The following CALN1 variants were observed in gnomAD, a reference collection of about 807,000 sequenced individuals.
CALN1 encodes calneuron 1.
Under a neutral mutation model 30.6 loss-of-function variants are expected in CALN1, and 17 were observed. The ratio of observed to expected loss-of-function variants is 0.56; its 90% confidence interval spans 0.38 to 0.83. The LOEUF (loss-of-function observed/expected upper bound fraction) is 0.83, where lower values mean the gene tolerates loss of function less well. CALN1 is among the 40% of genes least tolerant of loss of function. CALN1 has a pLI of 0.00. For synonymous variants in CALN1, 156 were observed against 131.4 expected (o/e 1.19, Z -1.28); for missense variants, 291 against 354.9 (o/e 0.82, Z 1.45).
chr7:72,034,529 A>C (rs1344369616), intron 4 of CALN1, among the ~76,000 whole-genome samples: 1 of 151,440 alleles, frequency 6.6e-6, no homozygotes, highest in Non-Finnish European at 1.5e-5. Flanking sequence ...ACGGTGGCTC[A>C]CCCCTGTAAT....
chr7:72,008,715 G>C (rs1170821493), intron 5 of CALN1, among the ~76,000 whole-genome samples: 2 of 149,712 alleles, frequency 1.3e-5, no homozygotes, highest in Non-Finnish European at 2.9e-5. Context: ...GGGTGAGGCA[G>C]TGTGATTTCG....
intron 2 of CALN1, among the ~76,000 whole-genome samples, chr7:72,386,217 A>G (rs980116324): frequency 3.9e-5 from 6 of 152,198 alleles, no homozygotes; most frequent in African/African-American, 1.4e-4. Context: ...TGGCACAAAG[A>G]ATGAATCTTA....
intron 5 of CALN1, among the ~76,000 whole-genome samples, chr7:71,889,728 G>A (rs1370702334): frequency 2.6e-5 from 4 of 152,182 alleles, no homozygotes; most frequent in Non-Finnish European, 5.9e-5. Context: ...GCTGAGGTGG[G>A]CAGATCACCT....
intron 5 of CALN1, among the ~76,000 whole-genome samples, chr7:72,003,166 TG>T (rs1216610180): frequency 6.6e-6 from 1 of 152,192 alleles, no homozygotes; most frequent in Admixed American, 6.5e-5. Flanking sequence ...TTTGCCTATT[TG>T]AAAAATTAAT....
intron 5 of CALN1, among the ~76,000 whole-genome samples, chr7:71,930,394 T>G (rs1584536478): frequency 6.6e-6 from 1 of 152,094 alleles, no homozygotes; most frequent in Admixed American, 6.5e-5. Flanking sequence ...ATTTTTTAGA[T>G]CGTTTGTCCA....
chr7:72,426,822 A>G (rs1452191626), intron 1 of CALN1, among the ~76,000 whole-genome samples: 4 of 152,064 alleles, frequency 2.6e-5, no homozygotes, highest in Non-Finnish European at 4.4e-5. Context: ...GCTTGCATTG[A>G]CCACTCATGT....
At chr7:72,212,186 A>G (rs538763910) in intron 3 of CALN1, among the ~76,000 whole-genome samples, 5 of 152,126 alleles carry the variant, frequency 3.3e-5, no homozygotes, top group Non-Finnish European at 7.4e-5. Context: ...CATCGCTACT[A>G]AAAATACAAA....
At chr7:71,826,277 C>T (rs907253525) in intron 5 of CALN1, among the ~76,000 whole-genome samples, 1 of 152,006 alleles carries the variant, frequency 6.6e-6, no homozygotes, top group Admixed American at 6.6e-5. Context: ...CCAGAATGCA[C>T]TGGTGGCTTA....
chr7:72,261,615 A>G (rs2129552824), intron 3 of CALN1, among the ~76,000 whole-genome samples: 1 of 152,196 alleles, frequency 6.6e-6, no homozygotes, highest in African/African-American at 2.4e-5. Flanking sequence ...TTCTGTAGAG[A>G]TGGGATCTTC....
the CALN1 span, among the ~76,000 whole-genome samples, chr7:72,490,121 A>G: frequency 6.6e-6 from 1 of 152,376 alleles, no homozygotes; most frequent in Non-Finnish European, 1.5e-5. Context: ...CTCCTTGGCA[A>G]ATAGAGGAAG....
the CALN1 span, among the ~76,000 whole-genome samples, chr7:72,471,305 C>T: frequency 1.3e-5 from 2 of 152,164 alleles, no homozygotes; most frequent in African/African-American, 4.8e-5. Context: ...TAGGTTGAGA[C>T]AGGTGTATTT....
At chr7:71,963,337 ATTTT>A (rs1797350660) in intron 5 of CALN1, among the ~76,000 whole-genome samples, 1 of 150,834 alleles carries the variant, frequency 6.6e-6, no homozygotes, top group South Asian at 2.1e-4. Flanking sequence ...TAATTTTTGT[ATTTT>A]TAGTAGAGAC....
chr7:72,401,734 G>T (rs1429612710), intron 2 of CALN1, among the ~76,000 whole-genome samples: 2 of 152,208 alleles, frequency 1.3e-5, no homozygotes, highest in East Asian at 1.9e-4. Context: ...CATTTTTAAT[G>T]TAACAGTGTG....
At chr7:72,154,663 C>T (rs953538766) in intron 3 of CALN1, among the ~76,000 whole-genome samples, 6 of 152,116 alleles carry the variant, frequency 3.9e-5, no homozygotes, top group Admixed American at 3.9e-4. Context: ...GAAGTCCTAA[C>T]CTCCAGCAGG....
At chr7:72,321,574 C>G (rs1800884427) in intron 2 of CALN1, among the ~76,000 whole-genome samples, 2 of 152,204 alleles carry the variant, frequency 1.3e-5, no homozygotes, top group Admixed American at 6.5e-5. Context: ...TGGAAACAAG[C>G]TGTTGAACAT....
At chr7:72,481,459 A>G in the CALN1 span, among the ~76,000 whole-genome samples, 24 of 151,968 alleles carry the variant, frequency 1.6e-4, no homozygotes, top group African/African-American at 5.6e-4. Flanking sequence ...TCTGTTTTCT[A>G]TTTCGTTGAT....
At chr7:72,243,152 T>C (rs909678040) in intron 3 of CALN1, among the ~76,000 whole-genome samples, 1 of 152,132 alleles carries the variant, frequency 6.6e-6, no homozygotes, top group South Asian at 2.1e-4. Flanking sequence ...GATGAGGTCA[T>C]GAGGGAGGAG....
At chr7:72,027,483 G>A (rs556958175) in intron 4 of CALN1, among the ~76,000 whole-genome samples, 1 of 152,190 alleles carries the variant, frequency 6.6e-6, no homozygotes, top group African/African-American at 2.4e-5. Flanking sequence ...GGCCGAGGAG[G>A]GTGGATCACT....
intron 5 of CALN1, among the ~76,000 whole-genome samples, chr7:71,992,550 G>GTC (rs1249610963): frequency 6.6e-6 from 1 of 152,074 alleles, no homozygotes; most frequent in African/African-American, 2.4e-5. Context: ...CAGAGATGGG[G>GTC]TCTTCCTATG....
Sources: gnomAD v4.1 joint callset for allele counts (sites outside exome capture counted in the v4.1 genomes callset) on GRCh38, gnomAD v4.1.1 for gene constraint, MANE v1.5 for transcripts, NCBI Gene and HGNC (gene_info 2026-07-23, HGNC 2026-07-21) for gene names.